PCDHGB1: variants seen among roughly 807,000 people sequenced by gnomAD.
The protein encoded by PCDHGB1 is protocadherin gamma subfamily B, 1.
PCDHGB1 carries 34 observed loss-of-function variants against 56.6 expected under a neutral mutation model. That is an observed-to-expected ratio of 0.60 (90% CI 0.46 to 0.80). PCDHGB1 has a LOEUF of 0.80. Among genes scored for constraint, PCDHGB1 ranks in the 30% least tolerant of loss-of-function variants. The probability of loss-of-function intolerance (pLI) is 0.00; values close to 1 mark genes in which losing one functional copy is unlikely to be tolerated. For synonymous variants in PCDHGB1, 561 were observed against 505.9 expected, an observed-to-expected ratio of 1.11 and a Z score of -1.46; for missense variants, 1,278 against 1,204.6, an observed-to-expected ratio of 1.06 and a Z score of -0.90.
At chr5:141,461,981 G>A (rs755173695) in intron 1 of PCDHGB1, among the ~76,000 whole-genome samples, 4 of 152,078 alleles carry the variant, frequency 2.6e-5, no homozygotes, top group Non-Finnish European at 5.9e-5. Context: ...ATGCCACCAC[G>A]CCAGGCTAAT....
At chr5:141,366,319 C>T (rs1486100441) in intron 1 of PCDHGB1, 10 of 1,613,662 alleles carry the variant, frequency 6.2e-6, no homozygotes, top group African/African-American at 1.3e-5. Context: ...TCACCGTTGC[C>T]GTGGCCGACA....
chr5:141,478,096 T>C (rs749277013), intron 1 of PCDHGB1: 1 of 1,614,074 alleles, frequency 6.2e-7, no homozygotes, highest in South Asian at 1.1e-5. Context: ...CCACCACTGC[T>C]ACCCTCACTG....
chr5:141,416,452 A>T (rs2154546483), intron 1 of PCDHGB1: 1 of 152,342 alleles, frequency 6.6e-6, no homozygotes, highest in African/African-American at 2.4e-5. Flanking sequence ...ATGGGTTGGG[A>T]AGACAGATAA....
chr5:141,490,249 C>T lies in PCDHGB1; in HGVS notation c.2410-4558C>T, dbSNP rs2099697737. On this transcript the variant is annotated intron_variant, in intron 1 of 3. Coordinates refer to ENST00000523390, the MANE Select transcript of PCDHGB1 (RefSeq NM_018922.3). The surrounding 1 kb of genome is among the most constrained non-coding windows in gnomAD (Gnocchi z 5.4). ...TGCCATGGAGGGCCACTGTGTGATT[C>T]AAGTGGATGTGGGGGATGTCAATGA... The T allele has an allele frequency of 1.2e-6, 2 of 1,614,218 alleles. No individual in the cohort carries two copies. The highest frequency in any genetic ancestry group is 1.7e-6 in the Non-Finnish European group (2 of 1,180,044).
chr5:141,355,626 T>G, intron 1 of PCDHGB1: 1 of 1,614,004 alleles, frequency 6.2e-7, no homozygotes, highest in East Asian at 2.2e-5. Flanking sequence ...AAATAAAAGT[T>G]GCTGAAAATG....
At chr5:141,357,359 A>C (rs775884751) in intron 1 of PCDHGB1, 1 of 1,614,134 alleles carries the variant, frequency 6.2e-7, no homozygotes, top group South Asian at 1.1e-5. Flanking sequence ...AGACGCTGGC[A>C]CAAGTCACGC....
At chr5:141,436,467 A>G (rs2097825090) in intron 1 of PCDHGB1, among the ~76,000 whole-genome samples, 1 of 152,216 alleles carries the variant, frequency 6.6e-6, no homozygotes, top group South Asian at 2.1e-4. Flanking sequence ...GAATTTTCAG[A>G]TGTATCATAG....
intron 1 of PCDHGB1, among the ~76,000 whole-genome samples, chr5:141,382,245 A>C (rs1778064019): frequency 6.6e-6 from 1 of 152,172 alleles, no homozygotes; most frequent in South Asian, 2.1e-4. Flanking sequence ...GACTTTCTGA[A>C]TCTTGCATCA....
chr5:141,405,331 C>G (rs1561699778), intron 1 of PCDHGB1: 1 of 1,614,186 alleles, frequency 6.2e-7, no homozygotes, highest in Non-Finnish European at 8.5e-7. Flanking sequence ...CTTTGTGCGT[C>G]TCTGTTGATT....
intron 1 of PCDHGB1, chr5:141,389,726 C>A: frequency 6.2e-7 from 1 of 1,612,720 alleles, no homozygotes; most frequent in South Asian, 1.1e-5. Flanking sequence ...AGCCCGGGCT[C>A]TTCAGCCTGG....
At chr5:141,401,838 T>C in intron 1 of PCDHGB1, among the ~76,000 whole-genome samples, 1 of 152,232 alleles carries the variant, frequency 6.6e-6, no homozygotes, top group East Asian at 1.9e-4. Context: ...TTTCTTATAA[T>C]ACCACTTACT....
intron 2 of PCDHGB1, among the ~76,000 whole-genome samples, chr5:141,502,866 C>CTTTTTTCTT (rs2099816532): frequency 7.8e-6 from 1 of 128,046 alleles, no homozygotes; most frequent in African/African-American, 3.1e-5. Context: ...GACTCTCTGT[C>CTTTTTTCTT]TTTTTTTTTT....
rs759346998 is a variant in PCDHGB1, at chr5:141,410,849, C to CTTTTTTTTTTTTTTTTTTTTTTTTTTTTT, written c.2409+58202_2409+58203insTTTTTTTTTTTTTTTTTTTTTTTTTTTTT. 5.4e-5 allele frequency: 7 copies of CTTTTTTTTTTTTTTTTTTTTTTTTTTTTT among 129,786 alleles called. 2 individuals carry two copies. The highest frequency in any genetic ancestry group is 3.0e-4 in the African/African-American group (5 of 16,598). 8.0% of individuals were successfully genotyped at this position (129,786 alleles called of 1,614,324 possible). A position where few individuals can be genotyped will look rare whatever the true frequency, so the allele number is the denominator to read the frequency against. ...CAGACTGAAGATATTTTGTCTTTGT[C>CTTTTTTTTTTTTTTTTTTTTTTTTTTTTT]TTTTTTTTTTTTTTTTTTTTTTGAG... On this transcript the variant is annotated intron_variant, in intron 1 of 3. Transcript: ENST00000523390.
intron 1 of PCDHGB1, chr5:141,390,389 G>C: frequency 7.1e-7 from 1 of 1,405,538 alleles, no homozygotes; most frequent in Non-Finnish European, 9.7e-7. Context: ...AGATGTCATG[G>C]ATCATTTTAG....
chr5:141,372,497 G>T, intron 1 of PCDHGB1: 2 of 1,614,032 alleles, frequency 1.2e-6, no homozygotes, highest in Non-Finnish European at 1.7e-6. Flanking sequence ...TGATCTCAGT[G>T]CTCTTCCTCC....
chr5:141,496,511 C>T (rs1161285563), intron 2 of PCDHGB1, among the ~76,000 whole-genome samples: 1 of 152,182 alleles, frequency 6.6e-6, no homozygotes, highest in Non-Finnish European at 1.5e-5. Flanking sequence ...CACAAGGACC[C>T]AGGAGCCCTT....
rs1462148828 is a variant in PCDHGB1 at position 141,392,863 on chromosome 5, G to A, written c.2409+40194G>A. On this transcript the variant is annotated intron_variant, in intron 1 of 3. Transcript: ENST00000523390. ...AGACGCGGCGAGCTGATCCTGCTGT[G>A]CGCGCTGCTGGGAACGCTGTGGGAA... 3 of 1,612,774 alleles carry A rather than the reference G, an allele frequency of 1.9e-6. No individual in the cohort carries two copies. Among genetic ancestry groups the A allele is most frequent in the African/African-American group, 2.7e-5 (2 of 74,930 alleles).
intron 1 of PCDHGB1, chr5:141,355,322 A>G: frequency 1.9e-6 from 3 of 1,614,000 alleles, no homozygotes; most frequent in Non-Finnish European, 1.7e-6. Flanking sequence ...GAGCAGGAAG[A>G]AGGCTCAGTG....
At chr5:141,465,831 T>A (rs997004387) in intron 1 of PCDHGB1, among the ~76,000 whole-genome samples, 1 of 151,980 alleles carries the variant, frequency 6.6e-6, no homozygotes, top group African/African-American at 2.4e-5. Context: ...TTGTTTAAAA[T>A]TTCAACTGAG....
Sources: gnomAD v4.1 joint callset for allele counts (sites outside exome capture counted in the v4.1 genomes callset) on GRCh38, gnomAD v4.1.1 for gene constraint, Gnocchi (gnomAD v3.1) non-coding constraint, MANE v1.5 for transcripts, NCBI Gene and HGNC (gene_info 2026-07-23, HGNC 2026-07-21) for gene names.